ZNF891: variants seen among roughly 807,000 people sequenced by gnomAD.
ZNF891 encodes zinc finger protein 891, also known as hCG1646157.
For missense variants in ZNF891, 589 were observed against 632.7 expected (o/e 0.93, Z 0.74); for synonymous variants, 199 against 209.0 (o/e 0.95, Z 0.41).
In ZNF891 at chr12:133,112,157, T is replaced by C. The variant is rs979736813; in HGVS notation, c.*8127A>G. 2 of 152,292 alleles carry C rather than the reference T, an allele frequency of 1.3e-5. No homozygotes were observed. The highest frequency in any genetic ancestry group is 4.8e-5 in the African/African-American group (2 of 41,468). The allele number at this position is 152,292 out of a possible 1,614,324, so 9.4% of individuals were successfully genotyped here. On this transcript the variant is annotated 3_prime_UTR_variant, in exon 2 of 2. Transcript: ENST00000537226. The stretch of plus-strand genomic sequence containing the variant: ...TTTTCCATTTACTGGACTTACTTTC[T>C]GTTCCACAAATATGTCAAATCCTGA...
chr12:133,120,739 G>C lies in ZNF891; in HGVS notation c.1180C>G (p.His394Asp). The C allele has an allele frequency of 6.4e-7, 1 of 1,567,336 alleles. No individual in the cohort carries two copies. Residue 394 changes from histidine (H) to aspartate (D), a missense_variant, in exon 2 of 2, where the codon CAC becomes GAC. Coordinates refer to ENST00000537226, the MANE Select transcript of ZNF891 (RefSeq NM_001277291.2). ...AFSQKTSLKA[H>D]MRTHTGEKPY... ...TTCTCTCCAGTGTGAGTTCTCATGT[G>C]AGCCTTAAGGGATGTTTTTTGACTG...
At chr12:133,124,403 T>A (rs1232921937) in intron 1 of ZNF891, among the ~76,000 whole-genome samples, 3 of 152,074 alleles carry the variant, frequency 2.0e-5, no homozygotes, top group African/African-American at 7.2e-5. Flanking sequence ...ATGTGAGATA[T>A]AATGAATGAT....
intron 1 of ZNF891, among the ~76,000 whole-genome samples, chr12:133,124,690 AAAC>A (rs1955797749): frequency 6.7e-6 from 1 of 148,572 alleles, no homozygotes. Flanking sequence ...TACTAAAGGA[AAAC>A]AACAACAACC....
At position 133,120,269 on chromosome 12, in the gene ZNF891, C is replaced by A; in HGVS notation, c.*15G>T. 6.6e-7 allele frequency: 1 copy of A among 1,507,268 alleles called. No homozygotes were observed. Among genetic ancestry groups the A allele is most frequent in the Non-Finnish European group, 8.9e-7 (1 of 1,128,982 alleles). 93.4% of individuals were successfully genotyped at this position (1,507,268 alleles called of 1,614,324 possible). A position where few individuals can be genotyped will look rare whatever the true frequency, so the allele number is the denominator to read the frequency against. ...CCTTAAGACAATGAAAACAGCAATT[C>A]CACATTCATAACACTTACAGGGTTT... On this transcript the variant is annotated 3_prime_UTR_variant, in exon 2 of 2. Coordinates refer to ENST00000537226, the MANE Select transcript of ZNF891 (RefSeq NM_001277291.2).
In ZNF891 at chr12:133,121,387, C is replaced by CAT; in HGVS notation, c.530_531dup (p.Ala178MetfsTer18). 1 of 1,536,072 alleles carries CAT rather than the reference C, an allele frequency of 6.5e-7. No homozygotes were observed. The highest frequency in any genetic ancestry group is 8.7e-7 in the Non-Finnish European group (1 of 1,146,888). ...TCCTGAGGTACTGTTTTCTTTGGGG[C>CAT]ATATATCATTTGCCTCCAATGTCCC... On this transcript the variant is annotated frameshift_variant, in exon 2 of 2. Transcript: ENST00000537226. LOFTEE classifies it low-confidence loss of function (END_TRUNC).
intron 1 of ZNF891, among the ~76,000 whole-genome samples, chr12:133,126,819 AAATAAATG>A (rs1955822355): frequency 6.6e-6 from 1 of 152,040 alleles, no homozygotes; most frequent in Admixed American, 6.5e-5. Flanking sequence ...CTGTTTCAAT[AAATAAATG>A]AATAAATAAG....
rs75126917 is a variant in ZNF891 at position 133,115,936 on chromosome 12, A to G, written c.*4348T>C. 1 of 152,264 alleles carries G rather than the reference A, an allele frequency of 6.6e-6. No homozygotes were observed. Among genetic ancestry groups the G allele is most frequent in the South Asian group, 2.1e-4 (1 of 4,828 alleles). 9.4% of individuals were successfully genotyped at this position (152,264 alleles called of 1,614,324 possible). ...CTTTTGAAAGTCACATCGGCGCACAAGGTTTCAGGTTTTGGAGCATTCTGA... is the reference window on the plus strand; with the variant it reads ...CTTTTGAAAGTCACATCGGCGCACAGGGTTTCAGGTTTTGGAGCATTCTGA... On this transcript the variant is annotated 3_prime_UTR_variant, in exon 2 of 2. Transcript: ENST00000537226.
intron 1 of ZNF891, among the ~76,000 whole-genome samples, chr12:133,125,214 TAACCTTGA>T (rs1955803675): frequency 6.6e-6 from 1 of 152,166 alleles, no homozygotes; most frequent in Admixed American, 6.5e-5. Context: ...TTGGCCAGGC[TAACCTTGA>T]AATCCTGGCT....
intron 1 of ZNF891, among the ~76,000 whole-genome samples, chr12:133,123,556 A>G (rs1464640424): frequency 6.6e-6 from 1 of 152,110 alleles, no homozygotes; most frequent in Non-Finnish European, 1.5e-5. Flanking sequence ...AAAAATTTAA[A>G]TATTAGCCAA....
In ZNF891 at chr12:133,121,468, T is replaced by A. The variant is rs1250265818; in HGVS notation, c.451A>T (p.Thr151Ser). ...IKLTMHNWSS[T>S]LREDWECHKI... is the part of the protein sequence containing the mutation. ...TGGCATTCCCAGTCTTCTCTTAATG[T>A]GGAGGACCAATTATGCATTGTGAGT... The change falls in exon 2 of 2, where the codon ACA (threonine) becomes TCA (serine). Residue 151 changes from threonine (T) to serine (S), a missense_variant. By Grantham distance (58) the Thr-to-Ser change is moderately conservative. Transcript: ENST00000537226. 1 of 1,536,194 alleles carries A rather than the reference T, an allele frequency of 6.5e-7. No individual in the cohort carries two copies. Among genetic ancestry groups the A allele is most frequent in the East Asian group, 2.4e-5 (1 of 40,910 alleles).
Position 133,113,882 on chromosome 12 carries a change from G to C in ZNF891, c.*6402C>G, listed in dbSNP as rs1339605049. On this transcript the variant is annotated 3_prime_UTR_variant, in exon 2 of 2. Transcript: ENST00000537226. ...GGACCACAGATTCATGACACCATGG[G>C]TAATTTTTTTTTTTTGGTAGAGATG... is the stretch of plus-strand genomic sequence containing the variant. 2.0e-5 allele frequency: 3 copies of C among 151,882 alleles called. No homozygotes were observed. The East Asian group carries it at 5.8e-4, about 29-fold the overall frequency. 9.4% of individuals were successfully genotyped at this position (151,882 alleles called of 1,614,324 possible).
At position 133,106,222 on chromosome 12, in the gene ZNF891, C is replaced by G. The variant is rs1330551952; in HGVS notation, c.*14062G>C. On this transcript the variant is annotated 3_prime_UTR_variant, in exon 2 of 2. Coordinates refer to ENST00000537226, the MANE Select transcript of ZNF891 (RefSeq NM_001277291.2). Reference sequence around the variant, plus strand: ...GGAAGGCATTTCGCCGTTTCTCACACCTTACTCGACATCAGAGCATCCATA... The same window carrying G: ...GGAAGGCATTTCGCCGTTTCTCACAGCTTACTCGACATCAGAGCATCCATA... The G allele has an allele frequency of 3.7e-6, 6 of 1,614,092 alleles. No homozygotes were observed. Among genetic ancestry groups the G allele is most frequent in the Admixed American group, 1.7e-5 (1 of 60,006 alleles).
At position 133,116,743 on chromosome 12, in the gene ZNF891, A is replaced by G. The variant is rs1171366514; in HGVS notation, c.*3541T>C. 1 of 152,204 alleles carries G rather than the reference A, an allele frequency of 6.6e-6. No individual in the cohort carries two copies. The highest frequency in any genetic ancestry group is 1.5e-5 in the Non-Finnish European group (1 of 68,068). The allele number at this position is 152,204 out of a possible 1,614,324, so 9.4% of individuals were successfully genotyped here. On this transcript the variant is annotated 3_prime_UTR_variant, in exon 2 of 2. Coordinates refer to ENST00000537226, the MANE Select transcript of ZNF891 (RefSeq NM_001277291.2). ...CATGGTGCCCTCTGAGATTCCCTTA[A>G]TAAACTCCCTTAATATCCTCAACTA...
rs1411751348 is a variant in ZNF891, at chr12:133,118,041, G to A, written c.*2243C>T. On this transcript the variant is annotated 3_prime_UTR_variant, in exon 2 of 2. Coordinates refer to ENST00000537226, the MANE Select transcript of ZNF891 (RefSeq NM_001277291.2). ...ATCTCACTGCAACCTCTGCCTCCCA[G>A]GTTCAAGTGATTCTTCTGCCTCAGC... 1 of 150,286 alleles carries A rather than the reference G, an allele frequency of 6.7e-6. No individual in the cohort carries two copies. Among genetic ancestry groups the A allele is most frequent in the African/African-American group, 2.4e-5 (1 of 40,850 alleles). 9.3% of individuals were successfully genotyped at this position (150,286 alleles called of 1,614,324 possible). A position where few individuals can be genotyped will look rare whatever the true frequency, so the allele number is the denominator to read the frequency against.
At position 133,116,561 on chromosome 12, in the gene ZNF891, T is replaced by A. The variant is rs766836317; in HGVS notation, c.*3723A>T. The A allele has an allele frequency of 2.0e-5, 3 of 152,200 alleles. No individual in the cohort carries two copies. Among genetic ancestry groups the A allele is most frequent in the African/African-American group, 7.2e-5 (3 of 41,436 alleles). 9.4% of individuals were successfully genotyped at this position (152,200 alleles called of 1,614,324 possible). A position where few individuals can be genotyped will look rare whatever the true frequency, so the allele number is the denominator to read the frequency against. On this transcript the variant is annotated 3_prime_UTR_variant, in exon 2 of 2. Transcript: ENST00000537226. ...AAATACCCATCATCTTCTTACAGAC[T>A]GCTGGGATTTAACCTATACTCCCTC...
chr12:133,126,197 T>C (rs912097805), intron 1 of ZNF891, among the ~76,000 whole-genome samples: 1 of 151,948 alleles, frequency 6.6e-6, no homozygotes, highest in Non-Finnish European at 1.5e-5. Context: ...GGTTAAAAGA[T>C]AAACTTAGGG....
At chr12:133,122,222 T>G in intron 1 of ZNF891, 198 bp from the exon 2 acceptor site, 2 of 1,059,052 alleles carry the variant, frequency 1.9e-6, no homozygotes, top group Non-Finnish European at 2.3e-6. Context: ...ATCCTGATTC[T>G]TTGTACTGGC....
chr12:133,129,552 A>G (rs1448729405), intron 1 of ZNF891, among the ~76,000 whole-genome samples: 2 of 151,714 alleles, frequency 1.3e-5, no homozygotes, highest in Non-Finnish European at 2.9e-5. Flanking sequence ...CGTACTAAAT[A>G]TTTTAAGACC....
chr12:133,129,205 A>T (rs1955848878), intron 1 of ZNF891, among the ~76,000 whole-genome samples: 1 of 152,164 alleles, frequency 6.6e-6, no homozygotes, highest in African/African-American at 2.4e-5. Context: ...GAGACTTTTT[A>T]AAAAATTGAG....
Sources: allele counts gnomAD v4.1 joint callset (sites outside exome capture counted in the v4.1 genomes callset), GRCh38; gene constraint gnomAD v4.1.1; transcripts MANE v1.5; gene names NCBI Gene and HGNC (gene_info 2026-07-23, HGNC 2026-07-21).